The following CADPS2 variants were observed in gnomAD, a reference collection of about 807,000 sequenced individuals.
CADPS2 encodes the protein calcium dependent secretion activator 2, also known as calcium-dependent secretion activator 2.
CADPS2 carries 93 observed loss-of-function variants against 172.5 expected under a neutral mutation model. The observed-to-expected ratio is 0.54, with a 90% CI of 0.46 to 0.64. The LOEUF is 0.64. Ranked by LOEUF, CADPS2 falls within the 30% of genes least tolerant of loss-of-function variation. CADPS2 has a pLI of 0.00. For missense variants in CADPS2, 1,420 were observed against 1,565.9 expected (o/e 0.91, Z 1.57); for synonymous variants, 546 against 555.2 (o/e 0.98, Z 0.23).
In CADPS2 at chr7:122,886,382, C is replaced by T. The variant is rs1824391374; in HGVS notation, c.-45G>A. ...CGCTCGGCCCGCGGTCCCCAAGCGC[C>T]TCACCCCCGGCGGCTGCGCCCGCGG... On this transcript the variant is annotated 5_prime_UTR_variant, in exon 1 of 30. Coordinates refer to ENST00000449022, the MANE Select transcript of CADPS2 (RefSeq NM_017954.11). The T allele has an allele frequency of 6.8e-7, 1 of 1,475,818 alleles. No homozygotes were observed. The allele number at this position is 1,475,818 out of a possible 1,614,324, so 91.4% of individuals were successfully genotyped here. A position where few individuals can be genotyped will look rare whatever the true frequency, so the allele number is the denominator to read the frequency against.
intron 17 of CADPS2, among the ~76,000 whole-genome samples, chr7:122,417,719 G>A (rs1171387341): frequency 6.6e-6 from 1 of 152,188 alleles, no homozygotes. Context: ...GCAACATGAG[G>A]CAAACCTATT....
rs148347859 is a variant in CADPS2, at chr7:122,545,642, G to T, written c.1475+8908C>A. ...AAAAGTCCTTGAACAAGTTTTGTTTGTTAGGATGGAGACTGAATTAGGGTT... is the reference window on the plus strand; with the variant it reads ...AAAAGTCCTTGAACAAGTTTTGTTTTTTAGGATGGAGACTGAATTAGGGTT... On this transcript the variant is annotated intron_variant, in intron 8 of 29. Transcript: ENST00000449022. Among the ~76,000 whole-genome samples, 355 of 152,242 alleles carry T rather than the reference G, an allele frequency of 2.3e-3. 3 individuals carry two copies. Among genetic ancestry groups the T allele is most frequent in the African/African-American group, 8.1e-3 (338 of 41,556 alleles).
At chr7:122,798,426 T>G (rs1796873165) in intron 1 of CADPS2, among the ~76,000 whole-genome samples, 1 of 152,170 alleles carries the variant, frequency 6.6e-6, no homozygotes, top group Non-Finnish European at 1.5e-5. Context: ...GCTCCCTATT[T>G]AAACTGGAAC....
At chr7:122,320,461 C>A in intron 29 of CADPS2, 123 bp from the exon 30 acceptor site, 1 of 612,120 alleles carries the variant, frequency 1.6e-6, no homozygotes, top group Admixed American at 3.2e-5. Flanking sequence ...TGTGGCTGTC[C>A]ATGCCAATCA....
chr7:122,713,227 C>T lies in CADPS2; in HGVS notation c.453+23728G>A, dbSNP rs779482849. On this transcript the variant is annotated intron_variant, in intron 2 of 29. Transcript: ENST00000449022. ...ATATAATTTTCACAGTCTTAAGTCT[C>T]GTTAGTTTTACCAGGAATAGCAATT... 2.6e-5 allele frequency among the ~76,000 whole-genome samples: 4 copies of T among 152,044 alleles called. No individual in the cohort carries two copies. In the East Asian group the frequency reaches 5.8e-4, roughly 22 times the overall value.
intron 1 of CADPS2, among the ~76,000 whole-genome samples, chr7:122,794,472 A>G (rs1795939615): frequency 6.6e-6 from 1 of 151,988 alleles, no homozygotes; most frequent in South Asian, 2.1e-4. Flanking sequence ...ATTCTTTTCT[A>G]TACTGGCTAT....
chr7:122,405,693 T>C (rs1487612378), intron 20 of CADPS2, among the ~76,000 whole-genome samples: 7 of 152,142 alleles, frequency 4.6e-5, no homozygotes, highest in African/African-American at 1.7e-4. Flanking sequence ...TTAGGATAAT[T>C]TGCAGAATGA....
chr7:122,827,628 A>T (rs1291496238), intron 1 of CADPS2, among the ~76,000 whole-genome samples: 1 of 121,230 alleles, frequency 8.2e-6, no homozygotes, highest in Non-Finnish European at 1.6e-5. Flanking sequence ...GCGAAATTCC[A>T]TCTCAAAAAA....
intron 2 of CADPS2, among the ~76,000 whole-genome samples, chr7:122,711,702 G>A (rs2088754731): frequency 6.6e-6 from 1 of 152,006 alleles, no homozygotes; most frequent in Admixed American, 6.6e-5. Flanking sequence ...ACCCAGGATG[G>A]AGTACAGTAG....
chr7:122,461,656 G>A (rs1323140515), intron 14 of CADPS2, among the ~76,000 whole-genome samples: 1 of 151,936 alleles, frequency 6.6e-6, no homozygotes, highest in East Asian at 1.9e-4. Flanking sequence ...GTGTAGTGGC[G>A]CCATCTCGGC....
intron 12 of CADPS2, chr7:122,480,239 T>C: frequency 5.0e-6 from 2 of 402,812 alleles, no homozygotes; most frequent in South Asian, 1.9e-5. Flanking sequence ...AATCTATAAA[T>C]ACATATTAGT....
intron 6 of CADPS2, among the ~76,000 whole-genome samples, chr7:122,588,642 AT>A (rs1158670364): frequency 6.6e-6 from 1 of 151,982 alleles, no homozygotes; most frequent in Non-Finnish European, 1.5e-5. Context: ...GGTAGCATTG[AT>A]TCTGATATTC....
At chr7:122,805,585 A>G (rs1798623552) in intron 1 of CADPS2, among the ~76,000 whole-genome samples, 1 of 152,206 alleles carries the variant, frequency 6.6e-6, no homozygotes, top group Non-Finnish European at 1.5e-5. Context: ...TTACAGCCTA[A>G]GTTGTGGTCC....
chr7:122,592,552 G>A (rs1278156644), intron 6 of CADPS2, among the ~76,000 whole-genome samples: 1 of 152,004 alleles, frequency 6.6e-6, no homozygotes, highest in Non-Finnish European at 1.5e-5. Flanking sequence ...TGTTTATTGT[G>A]GCACAATTCA....
intron 25 of CADPS2, chr7:122,366,638 CACACACACAT>C (rs1354464545): frequency 9.9e-5 from 14 of 141,060 alleles, no homozygotes; most frequent in African/African-American, 3.5e-4. Context: ...CACACACACA[CACACACACAT>C]ATATATACAT....
chr7:122,697,750 A>G (rs1564092764), intron 2 of CADPS2: 2 of 1,467,318 alleles, frequency 1.4e-6, no homozygotes, highest in Non-Finnish European at 1.8e-6. Context: ...ACCTGATTTC[A>G]CATACAGGTT....
chr7:122,603,561 C>T (rs1442789473), intron 6 of CADPS2, among the ~76,000 whole-genome samples: 1 of 151,878 alleles, frequency 6.6e-6, no homozygotes, highest in Admixed American at 6.6e-5. Context: ...ACCTATATTA[C>T]CCCAATTAAC....
At chr7:122,745,245 C>A (rs564419045) in intron 1 of CADPS2, among the ~76,000 whole-genome samples, 2 of 152,016 alleles carry the variant, frequency 1.3e-5, no homozygotes, top group South Asian at 4.2e-4. Flanking sequence ...ATCCCCAGAA[C>A]ATTTTCATCC....
At chr7:122,434,913 C>T (rs1469995559) in intron 17 of CADPS2, among the ~76,000 whole-genome samples, 1 of 151,978 alleles carries the variant, frequency 6.6e-6, no homozygotes, top group Non-Finnish European at 1.5e-5. Flanking sequence ...TTGTAAGAGC[C>T]CTTCAAATAT....
Sources: gnomAD v4.1 joint callset for allele counts (sites outside exome capture counted in the v4.1 genomes callset) on GRCh38, gnomAD v4.1.1 for gene constraint, MANE v1.5 for transcripts, NCBI Gene and HGNC (gene_info 2026-07-23, HGNC 2026-07-21) for gene names.